The following AXDND1 variants were observed in gnomAD, a reference collection of about 807,000 sequenced individuals.
AXDND1 encodes axonemal dynein light chain domain-containing protein 1.
Under a neutral mutation model 137.5 loss-of-function variants are expected in AXDND1, and 110 were observed. The ratio of observed to expected loss-of-function variants is 0.80; its 90% CI spans 0.69 to 0.94. AXDND1 has a LOEUF of 0.94. AXDND1 is among the 40% of genes least tolerant of loss of function. The pLI, the probability that AXDND1 is intolerant of heterozygous loss-of-function variation, is 0.00. For missense variants in AXDND1, 1,191 were observed against 1,169.8 expected, an observed-to-expected ratio of 1.02 and a Z score of -0.26; for synonymous variants, 414 against 399.7, an observed-to-expected ratio of 1.04 and a Z score of -0.43.
At chr1:179,439,235 C>A (rs577348322) in intron 15 of AXDND1, among the ~76,000 whole-genome samples, 3 of 151,990 alleles carry the variant, frequency 2.0e-5, no homozygotes, top group African/African-American at 7.3e-5. Flanking sequence ...ACAATTAGGG[C>A]GACTGGGCCA....
intron 16 of AXDND1, among the ~76,000 whole-genome samples, chr1:179,465,341 G>A (rs1202656768): frequency 1.3e-5 from 2 of 152,042 alleles, no homozygotes; most frequent in Non-Finnish European, 2.9e-5. Flanking sequence ...CCTTCTAACA[G>A]TCAGGACCCT....
chr1:179,551,605 T>G, intron 25 of AXDND1: 1 of 825,816 alleles, frequency 1.2e-6, no homozygotes, highest in Non-Finnish European at 1.9e-6. Flanking sequence ...CTGAAGGGTC[T>G]TGAGCTGGGG....
chr1:179,475,965 C>G (rs1664572874), intron 17 of AXDND1, among the ~76,000 whole-genome samples: 1 of 152,120 alleles, frequency 6.6e-6, no homozygotes, highest in African/African-American at 2.4e-5. Context: ...AGTTCTTATG[C>G]AATATGATGG....
At chr1:179,366,200 A>T (rs1667374302) in intron 1 of AXDND1, 200 bp downstream of exon 1, 1 of 173,302 alleles carries the variant, frequency 5.8e-6, no homozygotes, top group Admixed American at 6.1e-5. Flanking sequence ...GGGTCCGCCG[A>T]GCGGGTCCTT....
intron 20 of AXDND1, among the ~76,000 whole-genome samples, chr1:179,497,706 G>T (rs1667587057): frequency 6.6e-6 from 1 of 152,102 alleles, no homozygotes; most frequent in Non-Finnish European, 1.5e-5. Context: ...AACAGGAAAA[G>T]AAGAAGTCAA....
intron 6 of AXDND1, among the ~76,000 whole-genome samples, chr1:179,381,047 T>C (rs563454708): frequency 4.4e-5 from 4 of 91,090 alleles, no homozygotes; most frequent in African/African-American, 1.5e-4. Flanking sequence ...TTTTTTTTTT[T>C]TTTTTTCTTT....
intron 21 of AXDND1, among the ~76,000 whole-genome samples, chr1:179,521,683 T>A (rs145161205): frequency 1.3e-5 from 2 of 152,252 alleles, no homozygotes; most frequent in Non-Finnish European, 2.9e-5. Flanking sequence ...TAGAATTTTC[T>A]TTAGTGAAGA....
chr1:179,491,414 A>C, intron 18 of AXDND1, 124 bp from the exon 19 acceptor site: 1 of 664,688 alleles, frequency 1.5e-6, no homozygotes. Context: ...ACTTGATTTC[A>C]TTAAGAATTA....
chr1:179,476,474 C>T (rs1018608350), intron 17 of AXDND1, among the ~76,000 whole-genome samples: 3 of 151,058 alleles, frequency 2.0e-5, no homozygotes, highest in Non-Finnish European at 4.4e-5. Flanking sequence ...ATTCTAATTA[C>T]CATCTGTGGT....
intron 25 of AXDND1, among the ~76,000 whole-genome samples, chr1:179,547,245 G>T (rs1163631719): frequency 6.6e-6 from 1 of 152,202 alleles, no homozygotes; most frequent in Non-Finnish European, 1.5e-5. Context: ...TGCTAGGTGA[G>T]CCTGAGGCTG....
chr1:179,394,868 T>C (rs1271915994), intron 10 of AXDND1, among the ~76,000 whole-genome samples: 3 of 152,128 alleles, frequency 2.0e-5, no homozygotes, highest in Non-Finnish European at 4.4e-5. Flanking sequence ...GGATCTCCCC[T>C]ACATCTTATT....
At chr1:179,511,393 G>GTGT (rs1553300905) in intron 21 of AXDND1, among the ~76,000 whole-genome samples, 18 of 145,120 alleles carry the variant, frequency 1.2e-4, no homozygotes, top group African/African-American at 4.6e-4. Context: ...TGGTATATGG[G>GTGT]GTGTGTGTGT....
At chr1:179,403,341 C>T (rs1199571707) in intron 11 of AXDND1, among the ~76,000 whole-genome samples, 1 of 152,164 alleles carries the variant, frequency 6.6e-6, no homozygotes, top group African/African-American at 2.4e-5. Context: ...CCTGAATCTA[C>T]AGTACATATC....
rs185788935 is a variant in AXDND1 at position 179,528,305 on chromosome 1, T to A, written c.2611-22T>A. The A allele has an allele frequency of 2.7e-3, 4,190 of 1,570,602 alleles. 10 individuals are homozygous for A. The highest frequency in any genetic ancestry group is 3.4e-3 in the Non-Finnish European group (3,932 of 1,141,450). ...GGTGCTACACCAGCTTGCTAACAGG[T>A]CCGCATGTTTCTGTGTTCTAGCAAC... On this transcript the variant is annotated intron_variant, in intron 22 of 25. Coordinates refer to ENST00000367618, the MANE Select transcript of AXDND1 (RefSeq NM_144696.6).
At chr1:179,442,741 G>C (rs1203108317) in intron 15 of AXDND1, among the ~76,000 whole-genome samples, 1 of 152,082 alleles carries the variant, frequency 6.6e-6, no homozygotes, top group Non-Finnish European at 1.5e-5. Context: ...TGTTTGCCTT[G>C]TCAATTTTAG....
chr1:179,466,482 T>C (rs1402604899), intron 16 of AXDND1, among the ~76,000 whole-genome samples: 1 of 152,064 alleles, frequency 6.6e-6, no homozygotes, highest in East Asian at 1.9e-4. Flanking sequence ...GTGTGTTAGT[T>C]TAACTTTCTG....
chr1:179,499,307 A>G (rs1352217624), intron 20 of AXDND1, among the ~76,000 whole-genome samples: 1 of 152,198 alleles, frequency 6.6e-6, no homozygotes, highest in Non-Finnish European at 1.5e-5. Context: ...CCTTGAAAAC[A>G]TGTTGAGTGA....
chr1:179,441,564 C>T (rs1207707398), intron 15 of AXDND1, among the ~76,000 whole-genome samples: 7 of 152,178 alleles, frequency 4.6e-5, no homozygotes, highest in South Asian at 2.1e-4. Context: ...TCTGCGGCCA[C>T]GGTATGAGGA....
chr1:179,550,382 A>G (rs986809776), intron 25 of AXDND1, among the ~76,000 whole-genome samples: 1 of 152,124 alleles, frequency 6.6e-6, no homozygotes, highest in African/African-American at 2.4e-5. Flanking sequence ...TTACTGTTCG[A>G]AGAAATAAAC....
Sources: gnomAD v4.1 joint callset for allele counts (sites outside exome capture counted in the v4.1 genomes callset) on GRCh38, gnomAD v4.1.1 for gene constraint, MANE v1.5 for transcripts, NCBI Gene and HGNC (gene_info 2026-07-23, HGNC 2026-07-21) for gene names.